Variants in MARCHF6 observed in about 807,000 individuals in gnomAD.
MARCHF6 encodes the protein E3 ubiquitin-protein ligase MARCHF6.
MARCHF6 carries 31 observed loss-of-function variants against 133.7 expected under a neutral mutation model. The observed-to-expected ratio is 0.23, with a 90% CI of 0.17 to 0.31. MARCHF6 has a LOEUF of 0.31. MARCHF6 is among the 10% of genes least tolerant of loss of function. The probability of loss-of-function intolerance (pLI) is 1.00; values close to 1 mark genes in which losing one functional copy is unlikely to be tolerated. For missense variants in MARCHF6, 723 were observed against 1,121.6 expected (o/e 0.64, Z 5.08); for synonymous variants, 395 against 402.5 (o/e 0.98, Z 0.22).
intron 11 of MARCHF6, 151 bp downstream of exon 11, chr5:10,400,993 A>G (rs1217647059): frequency 1.6e-6 from 1 of 612,728 alleles, no homozygotes; most frequent in Non-Finnish European, 2.8e-6. Context: ...TTTTAAAAAA[A>G]ATAACAGTGG....
intron 16 of MARCHF6, among the ~76,000 whole-genome samples, chr5:10,406,128 A>T (rs557402505): frequency 6.6e-6 from 1 of 152,286 alleles, no homozygotes; most frequent in South Asian, 2.1e-4. Context: ...TCATTATGAG[A>T]ATCTAATGCC....
At chr5:10,422,540 A>G (rs915351624) in intron 22 of MARCHF6, among the ~76,000 whole-genome samples, 2 of 152,214 alleles carry the variant, frequency 1.3e-5, no homozygotes, top group Non-Finnish European at 2.9e-5. Flanking sequence ...CAGAGAATTT[A>G]TAGACGACTG....
intron 21 of MARCHF6, among the ~76,000 whole-genome samples, chr5:10,416,249 G>A (rs1739507845): frequency 6.6e-6 from 1 of 152,074 alleles, no homozygotes; most frequent in Non-Finnish European, 1.5e-5. Flanking sequence ...GTGTAATGTT[G>A]GCTGCAACTG....
At chr5:10,414,633 A>G (rs915593898) in intron 20 of MARCHF6, 131 bp downstream of exon 20, 17 of 666,548 alleles carry the variant, frequency 2.6e-5, no homozygotes, top group African/African-American at 2.3e-4. Context: ...GCCTTGAACT[A>G]CTGGGCTCAA....
chr5:10,405,565 G>T lies in MARCHF6; in HGVS notation c.1340G>T (p.Arg447Leu). The T allele has an allele frequency of 6.3e-7, 1 of 1,596,916 alleles. No individual in the cohort carries two copies. Among genetic ancestry groups the T allele is most frequent in the South Asian group, 1.1e-5 (1 of 86,986 alleles). The change falls in exon 16 of 26, where the codon CGA (arginine) becomes CTA (leucine). Residue 447 changes from arginine (R) to leucine (L), a missense_variant. Physicochemically the swap from Arg to Leu is moderately radical, Grantham distance 102. Coordinates refer to ENST00000274140, the MANE Select transcript of MARCHF6 (RefSeq NM_005885.4). ...SFILLLREVL[R>L]PGVLWFLRNL... is the part of the protein sequence containing the mutation. ...TTTAAAATATATTTGCAGGTACTTC[G>T]ACCTGGTGTCCTGTGGTTTCTAAGG...
rs1740609248 is a variant in MARCHF6 at position 10,435,670 on chromosome 5, TATATATATATATATATATATATA to T, written c.*1987_*2009del. 2 of 13,460 alleles carry T rather than the reference TATATATATATATATATATATATA, an allele frequency of 1.5e-4. No individual in the cohort carries two copies. The highest frequency in any genetic ancestry group is 3.7e-4 in the African/African-American group (1 of 2,708). 0.8% of individuals were successfully genotyped at this position (13,460 alleles called of 1,614,324 possible). A position where few individuals can be genotyped will look rare whatever the true frequency, so the allele number is the denominator to read the frequency against. On this transcript the variant is annotated 3_prime_UTR_variant, in exon 26 of 26. Coordinates refer to ENST00000274140, the MANE Select transcript of MARCHF6 (RefSeq NM_005885.4). ...ATATATATATATATATATATATATA[TATATATATATATATATATATATA>T]TATATTTTTTTTTTTTTTTTTTTTT...
intron 22 of MARCHF6, 116 bp downstream of exon 22, chr5:10,417,520 A>C: frequency 7.4e-7 from 1 of 1,351,790 alleles, no homozygotes; most frequent in Non-Finnish European, 1.0e-6. Context: ...CTGAGGTGGG[A>C]GGACTGCTTG....
chr5:10,425,414 A>G (rs1740030022), intron 23 of MARCHF6, among the ~76,000 whole-genome samples: 1 of 152,216 alleles, frequency 6.6e-6, no homozygotes, highest in Non-Finnish European at 1.5e-5. Flanking sequence ...GCTGTGGAAC[A>G]TCATTGATCT....
chr5:10,406,627 A>T (rs2126776348), intron 16 of MARCHF6, among the ~76,000 whole-genome samples: 1 of 152,228 alleles, frequency 6.6e-6, no homozygotes, highest in Middle Eastern at 3.4e-3. Flanking sequence ...TGACATAGTG[A>T]TTCGCCCACC....
At chr5:10,366,711 G>A (rs963222198) in intron 1 of MARCHF6, among the ~76,000 whole-genome samples, 3 of 152,222 alleles carry the variant, frequency 2.0e-5, no homozygotes, top group African/African-American at 7.2e-5. Flanking sequence ...AAAGAGCAGG[G>A]GGGAGGTGAT....
intron 4 of MARCHF6, among the ~76,000 whole-genome samples, chr5:10,383,887 G>A (rs1737309408): frequency 6.6e-6 from 1 of 152,132 alleles, no homozygotes; most frequent in Non-Finnish European, 1.5e-5. Context: ...TTTTAAAATT[G>A]CTTATCTCAT....
chr5:10,425,789 A>G (rs1431027888), intron 23 of MARCHF6, among the ~76,000 whole-genome samples: 1 of 152,188 alleles, frequency 6.6e-6, no homozygotes, highest in Non-Finnish European at 1.5e-5. Context: ...ATTTCCATCC[A>G]TTCTTTCCTC....
chr5:10,358,652 A>T (rs1579512352), intron 1 of MARCHF6, among the ~76,000 whole-genome samples: 1 of 152,212 alleles, frequency 6.6e-6, no homozygotes, highest in African/African-American at 2.4e-5. Flanking sequence ...CCACTTACAC[A>T]TGGATTTTTT....
intron 1 of MARCHF6, among the ~76,000 whole-genome samples, chr5:10,373,613 A>G (rs1363636970): frequency 2.6e-5 from 4 of 151,842 alleles, no homozygotes; most frequent in Non-Finnish European, 5.9e-5. Flanking sequence ...TCTTTGCCAT[A>G]CCCCAGGCCA....
At position 10,377,968 on chromosome 5, in the gene MARCHF6, T is replaced by A. The variant is rs1290078647; in HGVS notation, c.116+74T>A. The A allele has an allele frequency of 5.1e-6, 4 of 787,170 alleles. No individual in the cohort carries two copies. In the African/African-American group the frequency reaches 6.8e-5, roughly 13 times the overall value. 48.8% of individuals were successfully genotyped at this position (787,170 alleles called of 1,614,324 possible). A position where few individuals can be genotyped will look rare whatever the true frequency, so the allele number is the denominator to read the frequency against. On this transcript the variant is annotated intron_variant, in intron 2 of 25. Transcript: ENST00000274140. Reference sequence around the variant, plus strand: ...CATGTATACAGTAACAGGGATCATTTCAATGTACTTTCTCTGTAATTATTT... The same window carrying A: ...CATGTATACAGTAACAGGGATCATTACAATGTACTTTCTCTGTAATTATTT...
At chr5:10,410,414 G>A in intron 18 of MARCHF6, 138 bp downstream of exon 18, 1 of 994,644 alleles carries the variant, frequency 1.0e-6, no homozygotes, top group Non-Finnish European at 1.4e-6. Context: ...ATTTGCAATT[G>A]CATATAATAC....
At chr5:10,431,050 C>A (rs1561155157) in intron 25 of MARCHF6, among the ~76,000 whole-genome samples, 1 of 152,138 alleles carries the variant, frequency 6.6e-6, no homozygotes, top group Non-Finnish European at 1.5e-5. Context: ...TAACACTACC[C>A]CCTTTTACTT....
chr5:10,367,472 A>T (rs1018575972), intron 1 of MARCHF6, among the ~76,000 whole-genome samples: 1 of 152,224 alleles, frequency 6.6e-6, no homozygotes, highest in Admixed American at 6.5e-5. Flanking sequence ...TTTGTATATT[A>T]AATTATCACT....
intron 21 of MARCHF6, among the ~76,000 whole-genome samples, 167 bp from the exon 22 acceptor site, chr5:10,417,103 A>G (rs1320781429): frequency 6.6e-6 from 1 of 152,230 alleles, no homozygotes; most frequent in East Asian, 1.9e-4. Flanking sequence ...TTTTTATGTA[A>G]GAGACTTGAG....
Sources: allele counts gnomAD v4.1 joint callset (sites outside exome capture counted in the v4.1 genomes callset), GRCh38; gene constraint gnomAD v4.1.1; transcripts MANE v1.5; gene names NCBI Gene and HGNC (gene_info 2026-07-23, HGNC 2026-07-21).